CUL2: variants seen among roughly 807,000 people sequenced by gnomAD.
The protein encoded by CUL2 is cullin 2.
Under a neutral mutation model 110.2 loss-of-function variants are expected in CUL2, and 22 were observed. That is an observed-to-expected ratio of 0.20 (90% CI 0.14 to 0.28). The LOEUF (loss-of-function observed/expected upper bound fraction) is 0.28. Among genes scored for constraint, CUL2 ranks in the 10% least tolerant of loss-of-function variants. The pLI, the probability that CUL2 is intolerant of heterozygous loss-of-function variation, is 1.00. For missense variants in CUL2, 631 were observed against 905.5 expected, an observed-to-expected ratio of 0.70 and a Z score of 3.89; for synonymous variants, 279 against 293.2, an observed-to-expected ratio of 0.95 and a Z score of 0.49.
intron 10 of CUL2, among the ~76,000 whole-genome samples, chr10:35,033,570 A>G (rs2085532762): frequency 6.6e-6 from 1 of 151,852 alleles, no homozygotes; most frequent in South Asian, 2.1e-4. Context: ...CCCCGTCTCT[A>G]CTAAAAATAC....
chr10:35,126,308 G>T (rs903171183), intron 1 of CUL2, among the ~76,000 whole-genome samples: 3 of 152,210 alleles, frequency 2.0e-5, no homozygotes, highest in African/African-American at 7.2e-5. Context: ...ACCCTAAGAA[G>T]CAGGTGAATT....
chr10:35,126,233 C>T (rs2087814527), intron 1 of CUL2, among the ~76,000 whole-genome samples: 1 of 152,190 alleles, frequency 6.6e-6, no homozygotes, highest in South Asian at 2.1e-4. Flanking sequence ...GATTACAGGC[C>T]CGAGCCAGCG....
At chr10:35,112,468 T>C (rs2087534934) in intron 1 of CUL2, among the ~76,000 whole-genome samples, 1 of 152,184 alleles carries the variant, frequency 6.6e-6, no homozygotes, top group African/African-American at 2.4e-5. Context: ...AGCATGGCTC[T>C]CTGGCTAAGT....
At chr10:35,027,324 T>G (rs147208583) in intron 16 of CUL2, among the ~76,000 whole-genome samples, 22,901 of 151,842 alleles carry the variant, frequency 0.15, 1,951 homozygotes, top group East Asian at 0.24. Context: ...TTTTCTATTT[T>G]TAGTAGAGAC....
intron 2 of CUL2, chr10:35,099,714 T>G (rs1009629223): frequency 3.3e-5 from 5 of 152,136 alleles, no homozygotes; most frequent in African/African-American, 1.2e-4. Context: ...AGGCAGAGGT[T>G]GCAGCCTGGG....
In CUL2 at chr10:35,090,172, G is replaced by C. The variant is rs2087171384; in HGVS notation, c.-23+7C>G. On this transcript the variant is annotated splice_region_variant and intron_variant, in intron 1 of 20. Coordinates refer to ENST00000374749, the MANE Select transcript of CUL2 (RefSeq NM_003591.4). ...CAGCCCGGCTCCCCGACCCTCAGCGGGGTTACCTTCTGCAGAAGCAGGGCA... is the reference window on the plus strand; with the variant it reads ...CAGCCCGGCTCCCCGACCCTCAGCGCGGTTACCTTCTGCAGAAGCAGGGCA... 6.5e-6 allele frequency: 1 copy of C among 152,836 alleles called. No individual in the cohort carries two copies. Among genetic ancestry groups the C allele is most frequent in the Non-Finnish European group, 1.5e-5 (1 of 68,180 alleles). The allele number at this position is 152,836 out of a possible 1,614,324, so 9.5% of individuals were successfully genotyped here. A position where few individuals can be genotyped will look rare whatever the true frequency, so the allele number is the denominator to read the frequency against.
intron 8 of CUL2, among the ~76,000 whole-genome samples, chr10:35,041,770 T>G (rs1419387942): frequency 6.6e-6 from 1 of 152,124 alleles, no homozygotes; most frequent in African/African-American, 2.4e-5. Flanking sequence ...CTCCTGGACT[T>G]GCGTAATCTG....
chr10:35,091,781 C>T (rs1200475141), upstream of CUL2, among the ~76,000 whole-genome samples: 2 of 151,986 alleles, frequency 1.3e-5, no homozygotes, highest in South Asian at 2.1e-4. Context: ...CCACCACACC[C>T]GGCTAATTTT....
chr10:35,081,722 G>A (rs1260092574), intron 1 of CUL2, among the ~76,000 whole-genome samples: 4 of 151,916 alleles, frequency 2.6e-5, no homozygotes, highest in Non-Finnish European at 4.4e-5. Flanking sequence ...GGTGAACCCC[G>A]CCTGTACAAA....
chr10:35,093,659 CAAAAAAAA>C (rs58582764), upstream of CUL2, among the ~76,000 whole-genome samples: 19 of 87,840 alleles, frequency 2.2e-4, no homozygotes, highest in African/African-American at 7.1e-4. Context: ...GACCTTCTCT[CAAAAAAAA>C]AAAAAAAAAA....
rs576802307 is a variant in CUL2 at position 35,058,560 on chromosome 10, G to C, written c.317+2314C>G. Among the ~76,000 whole-genome samples, 19 of 152,330 alleles carry C rather than the reference G, an allele frequency of 1.2e-4. 1 individual carries two copies. In the South Asian group the frequency reaches 3.9e-3, roughly 32 times the overall value. ...TCCACCTGATAAGTGTCGATTCTTA[G>C]CTGATAATTCCCAGGCACAGAGCAA... On this transcript the variant is annotated intron_variant, in intron 4 of 20. Coordinates refer to ENST00000374749, the MANE Select transcript of CUL2 (RefSeq NM_003591.4).
chr10:35,040,269 C>A (rs2085749403), intron 8 of CUL2, among the ~76,000 whole-genome samples: 1 of 152,170 alleles, frequency 6.6e-6, no homozygotes, highest in Non-Finnish European at 1.5e-5. Flanking sequence ...CGCTGAGCTA[C>A]AAATAACACT....
intron 1 of CUL2, among the ~76,000 whole-genome samples, chr10:35,105,038 TTAAAGA>T (rs2087435268): frequency 6.6e-6 from 1 of 151,150 alleles, no homozygotes; most frequent in South Asian, 2.1e-4. Context: ...CCAAAGACTC[TTAAAGA>T]TATATTCAGG....
chr10:35,017,875 TAA>T (rs1440590339), intron 17 of CUL2, among the ~76,000 whole-genome samples: 12 of 96,742 alleles, frequency 1.2e-4, no homozygotes, highest in Admixed American at 2.1e-4. Context: ...CATACGTGTT[TAA>T]AAAAAAAAAA....
At chr10:35,024,653 G>GT (rs1186895091) in intron 17 of CUL2, among the ~76,000 whole-genome samples, 2 of 152,200 alleles carry the variant, frequency 1.3e-5, no homozygotes, top group African/African-American at 4.8e-5. Flanking sequence ...TGTGATAAAA[G>GT]TTTTTTAAAA....
chr10:35,017,288 C>A (rs1339188388), intron 17 of CUL2, among the ~76,000 whole-genome samples: 1 of 152,134 alleles, frequency 6.6e-6, no homozygotes, highest in Non-Finnish European at 1.5e-5. Flanking sequence ...CAGGCAGACC[C>A]ATTCTCTTGC....
chr10:35,020,807 A>G (rs1211578997), intron 17 of CUL2, among the ~76,000 whole-genome samples: 3 of 152,136 alleles, frequency 2.0e-5, no homozygotes, highest in African/African-American at 7.2e-5. Flanking sequence ...CCAAAGCCTT[A>G]GTCATAAATC....
At chr10:35,101,265 C>T (rs12767414) in intron 1 of CUL2, among the ~76,000 whole-genome samples, 56,181 of 152,004 alleles carry the variant, frequency 0.37, 10,499 homozygotes, top group African/African-American at 0.43. Flanking sequence ...TCACCTGATG[C>T]CGCTGGCAAT....
intron 3 of CUL2, 60 bp from the exon 4 acceptor site, chr10:35,061,028 A>C: frequency 6.7e-7 from 1 of 1,495,496 alleles, no homozygotes; most frequent in Admixed American, 2.0e-5. Context: ...ACTGTCAACA[A>C]TAAAATGTAT....
Sources: gnomAD v4.1 joint callset for allele counts (sites outside exome capture counted in the v4.1 genomes callset) on GRCh38, gnomAD v4.1.1 for gene constraint, MANE v1.5 for transcripts, NCBI Gene and HGNC (gene_info 2026-07-23, HGNC 2026-07-21) for gene names.